Variants in PTPRG observed in about 807,000 individuals in gnomAD.
The protein encoded by PTPRG is receptor-type tyrosine-protein phosphatase gamma.
PTPRG carries 102 observed loss-of-function variants against 165.3 expected under a neutral mutation model. The ratio of observed to expected loss-of-function variants is 0.62; its 90% confidence interval spans 0.53 to 0.73. The LOEUF (loss-of-function observed/expected upper bound fraction) is 0.73, where lower values mean the gene tolerates loss of function less well. Ranked by LOEUF, PTPRG falls within the 30% of genes least tolerant of loss-of-function variation. The pLI, the probability that PTPRG is intolerant of heterozygous loss-of-function variation, is 0.00. For missense variants in PTPRG, 1,866 were observed against 1,861.4 expected (o/e 1.00, Z -0.05); for synonymous variants, 675 against 669.5 (o/e 1.01, Z -0.13).
intron 15 of PTPRG, among the ~76,000 whole-genome samples, chr3:62,244,713 A>C (rs1238865486): frequency 6.6e-6 from 1 of 152,122 alleles, no homozygotes; most frequent in Non-Finnish European, 1.5e-5. Context: ...CCACCAGCTA[A>C]TGTGCTATTT....
intron 2 of PTPRG, among the ~76,000 whole-genome samples, chr3:61,836,071 A>G (rs1383194761): frequency 2.8e-5 from 4 of 140,828 alleles, no homozygotes; most frequent in Non-Finnish European, 6.2e-5. Flanking sequence ...CCAAAAAAAA[A>G]AATATATATA....
intron 1 of PTPRG, among the ~76,000 whole-genome samples, chr3:61,710,512 T>C (rs1435968830): frequency 6.6e-6 from 1 of 152,204 alleles, no homozygotes; most frequent in East Asian, 1.9e-4. Flanking sequence ...CATTCCAAGC[T>C]TGTCCAACCC....
chr3:61,974,715 G>T (rs76850525), intron 2 of PTPRG, among the ~76,000 whole-genome samples: 11,796 of 152,174 alleles, frequency 0.078, 527 homozygotes, highest in South Asian at 0.12. Context: ...TATTGGAAAC[G>T]TTGGTACTTT....
chr3:61,830,566 GTTTTTTTTTTT>G (rs57644199), intron 2 of PTPRG, among the ~76,000 whole-genome samples: 1 of 86,500 alleles, frequency 1.2e-5, no homozygotes, highest in Admixed American at 1.5e-4. Flanking sequence ...TTTTGTTTTT[GTTTTTTTTTTT>G]TTTTTTTTTT....
At chr3:62,187,104 A>T (rs1699677030) in intron 8 of PTPRG, among the ~76,000 whole-genome samples, 1 of 152,236 alleles carries the variant, frequency 6.6e-6, no homozygotes, top group African/African-American at 2.4e-5. Context: ...AAGGTAATGA[A>T]CCAGACAAGA....
chr3:61,615,609 GA>G (rs1701278368), intron 1 of PTPRG, among the ~76,000 whole-genome samples: 1 of 152,174 alleles, frequency 6.6e-6, no homozygotes, highest in African/African-American at 2.4e-5. Context: ...GGTACTTTGA[GA>G]CTGCTTTCCA....
At chr3:62,267,633 G>C (rs1456449012) in intron 18 of PTPRG, 52 bp from the exon 19 acceptor site, 14 of 1,589,274 alleles carry the variant, frequency 8.8e-6, no homozygotes, top group Non-Finnish European at 1.0e-5. Context: ...ATTATTGACT[G>C]GTCTTCTGTG....
At chr3:61,608,010 AT>A (rs944779582) in intron 1 of PTPRG, among the ~76,000 whole-genome samples, 10 of 150,926 alleles carry the variant, frequency 6.6e-5, no homozygotes, top group South Asian at 2.1e-4. Context: ...TCCAATTTTT[AT>A]TTTTTTTTAA....
intron 13 of PTPRG, among the ~76,000 whole-genome samples, chr3:62,226,823 T>A (rs183202477): frequency 6.6e-6 from 1 of 152,272 alleles, no homozygotes; most frequent in East Asian, 1.9e-4. Flanking sequence ...CAACACCAAT[T>A]TAGCCACATA....
At chr3:62,064,984 G>A (rs562014992) in intron 4 of PTPRG, among the ~76,000 whole-genome samples, 1 of 151,966 alleles carries the variant, frequency 6.6e-6, no homozygotes, top group Non-Finnish European at 1.5e-5. Flanking sequence ...CTCCCAGCTC[G>A]GCTTCCCAAA....
intron 4 of PTPRG, among the ~76,000 whole-genome samples, chr3:62,013,586 C>G (rs1033708936): frequency 6.6e-6 from 1 of 152,102 alleles, no homozygotes; most frequent in Admixed American, 6.5e-5. Context: ...TGCAGCAGGG[C>G]TTGGGTAGCT....
rs565859955 is a variant in PTPRG at position 61,943,832 on chromosome 3, G to A, written c.191-45793G>A. ...TATGCTCCCAGAGGATTGGATAACT[G>A]CTGCTTAACTAATGGGATAGAGGTC... On this transcript the variant is annotated intron_variant, in intron 2 of 29. Coordinates refer to ENST00000474889, the MANE Select transcript of PTPRG (RefSeq NM_002841.4). Among the ~76,000 whole-genome samples the A allele has an allele frequency of 2.0e-5, 3 of 152,258 alleles. No homozygotes were observed. The East Asian group carries it at 5.8e-4, about 29-fold the overall frequency.
In PTPRG at chr3:62,269,188, A is replaced by G; in HGVS notation, c.3009+19A>G. On this transcript the variant is annotated intron_variant, in intron 20 of 29. Transcript: ENST00000474889. Reference sequence around the variant, plus strand: ...GAAAAAGGTATGGAAGGAATTGGGTAGGCTGCCAGGGCATCCCCTTTTTAT... The same window carrying G: ...GAAAAAGGTATGGAAGGAATTGGGTGGGCTGCCAGGGCATCCCCTTTTTAT... The G allele has an allele frequency of 1.3e-6, 2 of 1,563,554 alleles. No homozygotes were observed. Among genetic ancestry groups the G allele is most frequent in the Non-Finnish European group, 1.7e-6 (2 of 1,144,078 alleles).
rs190909364 is a variant in PTPRG, at chr3:61,758,920, C to T, written c.190+9938C>T. On this transcript the variant is annotated intron_variant, in intron 2 of 29. Transcript: ENST00000474889. ...TATATGCTTAAAGACTGAATTTTCT[C>T]GCTGTTCATTTAAGCGAAGAAAGTA... 1.9e-4 allele frequency among the ~76,000 whole-genome samples: 29 copies of T among 152,264 alleles called. 1 individual carries two copies. The highest frequency in any genetic ancestry group is 3.4e-3 in the Middle Eastern group (1 of 294).
chr3:61,906,756 G>C (rs1575771931), intron 2 of PTPRG, among the ~76,000 whole-genome samples: 1 of 151,908 alleles, frequency 6.6e-6, no homozygotes, highest in East Asian at 2.0e-4. Flanking sequence ...TTCTAGCTGG[G>C]CTGGGAGACA....
chr3:61,868,059 C>A (rs192873646), intron 2 of PTPRG, among the ~76,000 whole-genome samples: 1 of 152,096 alleles, frequency 6.6e-6, no homozygotes, highest in Non-Finnish European at 1.5e-5. Context: ...CCTGTAGTCC[C>A]CTATTTTACA....
At chr3:61,703,164 C>T (rs1371256901) in intron 1 of PTPRG, among the ~76,000 whole-genome samples, 9 of 150,074 alleles carry the variant, frequency 6.0e-5, no homozygotes, top group African/African-American at 2.0e-4. Context: ...TTTTTTTTTC[C>T]CCCTGTATGA....
At chr3:61,738,306 A>ACACATATATATATG (rs2032826839) in intron 1 of PTPRG, among the ~76,000 whole-genome samples, 1 of 78,816 alleles carries the variant, frequency 1.3e-5, no homozygotes, top group African/African-American at 4.8e-5. Flanking sequence ...ATATATATAT[A>ACACATATATATATG]TATATACATA....
chr3:61,947,150 G>A (rs1312137353), intron 2 of PTPRG, among the ~76,000 whole-genome samples: 1 of 152,110 alleles, frequency 6.6e-6, no homozygotes, highest in Non-Finnish European at 1.5e-5. Flanking sequence ...AATCACGTGG[G>A]CATTTGAGCT....
Sources: gnomAD v4.1 joint callset for allele counts (sites outside exome capture counted in the v4.1 genomes callset) on GRCh38, gnomAD v4.1.1 for gene constraint, MANE v1.5 for transcripts, NCBI Gene and HGNC (gene_info 2026-07-23, HGNC 2026-07-21) for gene names.